The following NCAM2 variants were observed in gnomAD, a reference collection of about 807,000 sequenced individuals.
NCAM2 encodes N-CAM-2.
In NCAM2, 30 loss-of-function variants were observed where a neutral mutation model predicts 98.1. The observed-to-expected ratio is 0.31, with a 90% CI of 0.23 to 0.41. The LOEUF is 0.41. NCAM2 is among the 10% of genes least tolerant of loss of function. The pLI is 1.00. For synonymous variants in NCAM2, 368 were observed against 342.4 expected (o/e 1.07, Z -0.83); for missense variants, 867 against 1,005.8 (o/e 0.86, Z 1.87).
chr21:21,310,350 A>G (rs1358249114), intron 5 of NCAM2, among the ~76,000 whole-genome samples: 1 of 152,184 alleles, frequency 6.6e-6, no homozygotes, highest in Non-Finnish European at 1.5e-5. Flanking sequence ...TGAAGAATAT[A>G]CAACCAGTGC....
chr21:21,195,429 A>G (rs1030862504), intron 1 of NCAM2, among the ~76,000 whole-genome samples: 50 of 152,340 alleles, frequency 3.3e-4, no homozygotes, highest in African/African-American at 1.2e-3. Context: ...AGTTAAAAAC[A>G]GAGTTCAAAG....
At chr21:21,414,229 A>T (rs2076942302) in intron 10 of NCAM2, among the ~76,000 whole-genome samples, 1 of 152,142 alleles carries the variant, frequency 6.6e-6, no homozygotes, top group African/African-American at 2.4e-5. Context: ...ATCTGCAGTT[A>T]CTTCCTTCAC....
chr21:21,238,210 G>C (rs528442569), intron 1 of NCAM2, among the ~76,000 whole-genome samples: 1 of 151,964 alleles, frequency 6.6e-6, no homozygotes, highest in Non-Finnish European at 1.5e-5. Flanking sequence ...GCCCATCTCG[G>C]CCTCCCAGAG....
At chr21:21,486,911 G>C (rs1986439291) in intron 15 of NCAM2, among the ~76,000 whole-genome samples, 2 of 151,626 alleles carry the variant, frequency 1.3e-5, no homozygotes, top group Admixed American at 6.6e-5. Flanking sequence ...ATCTAAGTGT[G>C]GATCTAGTTT....
chr21:21,423,085 AT>A (rs113171191), intron 11 of NCAM2, among the ~76,000 whole-genome samples: 1 of 152,024 alleles, frequency 6.6e-6, no homozygotes, highest in Non-Finnish European at 1.5e-5. Flanking sequence ...TCATTGTTAT[AT>A]TTTTAACTGT....
chr21:21,204,836 A>G (rs1279714554), intron 1 of NCAM2, among the ~76,000 whole-genome samples: 1 of 152,160 alleles, frequency 6.6e-6, no homozygotes, highest in East Asian at 1.9e-4. Flanking sequence ...TATGCACAGC[A>G]AGGAGCTGCT....
intron 1 of NCAM2, among the ~76,000 whole-genome samples, chr21:21,086,628 G>C (rs1016742555): frequency 1.3e-5 from 2 of 152,152 alleles, no homozygotes; most frequent in South Asian, 4.1e-4. Context: ...ATATTTTTCA[G>C]TGTAGCAAAA....
chr21:21,246,492 T>A (rs1035567043), intron 1 of NCAM2, among the ~76,000 whole-genome samples: 1 of 152,170 alleles, frequency 6.6e-6, no homozygotes, highest in Admixed American at 6.5e-5. Flanking sequence ...CAAAGAGATA[T>A]GTTATTACAG....
intron 1 of NCAM2, among the ~76,000 whole-genome samples, chr21:21,235,363 ATTTC>A (rs2070778379): frequency 2.0e-5 from 3 of 152,052 alleles, no homozygotes; most frequent in Admixed American, 2.0e-4. Context: ...AGTTTTATTT[ATTTC>A]TTCTCTGATT....
intron 9 of NCAM2, among the ~76,000 whole-genome samples, chr21:21,404,050 G>T (rs1014761472): frequency 1.3e-5 from 2 of 152,010 alleles, no homozygotes; most frequent in African/African-American, 4.8e-5. Flanking sequence ...AATTGATGTT[G>T]TTTTATGCTT....
At chr21:21,437,618 C>A (rs1406404954) in intron 12 of NCAM2, among the ~76,000 whole-genome samples, 1 of 151,990 alleles carries the variant, frequency 6.6e-6, no homozygotes, top group East Asian at 1.9e-4. Flanking sequence ...CCATTCAAAA[C>A]CAATCTTGTA....
intron 1 of NCAM2, among the ~76,000 whole-genome samples, chr21:21,036,068 G>A (rs974424840): frequency 2.0e-5 from 3 of 151,938 alleles, no homozygotes; most frequent in African/African-American, 7.3e-5. Flanking sequence ...GAGCATTAAG[G>A]GCCCTCGATA....
intron 1 of NCAM2, among the ~76,000 whole-genome samples, chr21:21,067,136 A>T (rs964488089): frequency 2.0e-5 from 3 of 151,374 alleles, no homozygotes; most frequent in African/African-American, 7.3e-5. Flanking sequence ...TATATTTATT[A>T]TAAAATTATA....
At chr21:21,245,670 T>C (rs1391847491) in intron 1 of NCAM2, among the ~76,000 whole-genome samples, 2 of 152,240 alleles carry the variant, frequency 1.3e-5, no homozygotes, top group Non-Finnish European at 2.9e-5. Flanking sequence ...AATCATGTTG[T>C]AAACACCAAA....
At chr21:21,359,530 T>C (rs893351629) in intron 8 of NCAM2, among the ~76,000 whole-genome samples, 1 of 151,980 alleles carries the variant, frequency 6.6e-6, no homozygotes, top group African/African-American at 2.4e-5. Flanking sequence ...TGAACTATTA[T>C]TTTGAAGTCT....
chr21:21,527,596 A>T (rs1989399237), intron 16 of NCAM2, among the ~76,000 whole-genome samples: 1 of 152,172 alleles, frequency 6.6e-6, no homozygotes, highest in Non-Finnish European at 1.5e-5. Context: ...AAATAAGCTT[A>T]TGAAAAGACA....
chr21:21,268,537 T>C (rs943069005), intron 1 of NCAM2, among the ~76,000 whole-genome samples: 1 of 152,160 alleles, frequency 6.6e-6, no homozygotes, highest in Non-Finnish European at 1.5e-5. Context: ...CACACACACA[T>C]ATAGCCCCAG....
chr21:21,158,231 T>G (rs1049074399), intron 1 of NCAM2, among the ~76,000 whole-genome samples: 8 of 152,224 alleles, frequency 5.3e-5, no homozygotes, highest in African/African-American at 1.9e-4. Flanking sequence ...TGATTAATTA[T>G]ATTTTAAAAT....
chr21:21,450,809 C>CGTATGTATGTATGT (rs879553453), intron 12 of NCAM2, among the ~76,000 whole-genome samples: 3 of 150,998 alleles, frequency 2.0e-5, no homozygotes, highest in African/African-American at 7.3e-5. Flanking sequence ...CACACACACA[C>CGTATGTATGTATGT]ACACACACAC....
Sources: gnomAD v4.1 joint callset for allele counts (sites outside exome capture counted in the v4.1 genomes callset) on GRCh38, gnomAD v4.1.1 for gene constraint, MANE v1.5 for transcripts, NCBI Gene and HGNC (gene_info 2026-07-23, HGNC 2026-07-21) for gene names.